SHC3: variants seen among roughly 807,000 people sequenced by gnomAD.
SHC3 encodes the protein SHC-transforming protein 3.
Under a neutral mutation model 60.4 loss-of-function variants are expected in SHC3, and 15 were observed. That is an observed-to-expected ratio of 0.25 (90% confidence interval 0.17 to 0.38). SHC3 has a LOEUF of 0.38. SHC3 is among the 10% of genes least tolerant of loss of function. The pLI is 1.00. For synonymous variants in SHC3, 294 were observed against 325.9 expected (o/e 0.90, Z 1.05); for missense variants, 677 against 786.1 (o/e 0.86, Z 1.66).
At position 89,077,916 on chromosome 9, in the gene SHC3, A is replaced by G; in HGVS notation, c.546-13T>C. On this transcript the variant is annotated splice_polypyrimidine_tract_variant and intron_variant, in intron 2 of 11. Transcript: ENST00000375835. ...GCTGATGGCTTCCCTTAGGACAGGA[A>G]GAAAAAGCAATTTTATTACGTGTCA... 1 of 1,614,208 alleles carries G rather than the reference A, an allele frequency of 6.2e-7. No homozygotes were observed. Among genetic ancestry groups the G allele is most frequent in the Non-Finnish European group, 8.5e-7 (1 of 1,180,014 alleles).
intron 9 of SHC3, among the ~76,000 whole-genome samples, chr9:89,043,547 C>A (rs1194770588): frequency 6.6e-6 from 1 of 152,190 alleles, no homozygotes; most frequent in Non-Finnish European, 1.5e-5. Context: ...GGCAGGAGGA[C>A]ACGTGCCATC....
intron 1 of SHC3, among the ~76,000 whole-genome samples, chr9:89,171,089 G>T (rs118027795): frequency 2.0e-5 from 3 of 152,168 alleles, no homozygotes; most frequent in Non-Finnish European, 4.4e-5. Flanking sequence ...AAAACAACTA[G>T]GTTTTCATCA....
intron 2 of SHC3, among the ~76,000 whole-genome samples, chr9:89,106,612 G>A (rs1439004860): frequency 6.6e-6 from 1 of 152,112 alleles, no homozygotes; most frequent in Admixed American, 6.5e-5. Flanking sequence ...AGGGCCCAGC[G>A]CCCACAGCGG....
chr9:89,089,608 G>C (rs1225349032), intron 2 of SHC3, among the ~76,000 whole-genome samples: 4 of 152,206 alleles, frequency 2.6e-5, no homozygotes, highest in African/African-American at 9.6e-5. Context: ...TTTGGGAAAA[G>C]TAAACCAAAA....
chr9:89,022,654 A>G (rs182605080), intron 11 of SHC3, among the ~76,000 whole-genome samples: 516 of 152,314 alleles, frequency 3.4e-3, no homozygotes, highest in Middle Eastern at 0.024. Context: ...AAGCATGTAC[A>G]GCTACTGCGC....
intron 1 of SHC3, among the ~76,000 whole-genome samples, chr9:89,159,915 C>T (rs1278597650): frequency 2.0e-5 from 3 of 152,290 alleles, no homozygotes; most frequent in Admixed American, 6.5e-5. Flanking sequence ...CAGACACACC[C>T]AGGATCAATA....
chr9:89,160,335 T>A (rs1056527272), intron 1 of SHC3, among the ~76,000 whole-genome samples: 1 of 151,996 alleles, frequency 6.6e-6, no homozygotes. Flanking sequence ...CCAGAATAAA[T>A]CCCACCTCCT....
chr9:89,114,994 A>T (rs1826000939), intron 1 of SHC3, among the ~76,000 whole-genome samples: 1 of 152,202 alleles, frequency 6.6e-6, no homozygotes, highest in Non-Finnish European at 1.5e-5. Flanking sequence ...CAGTTATGGG[A>T]ATACCAACAA....
intron 1 of SHC3, among the ~76,000 whole-genome samples, chr9:89,150,637 G>C (rs1009795449): frequency 2.0e-5 from 3 of 152,090 alleles, no homozygotes; most frequent in Non-Finnish European, 2.9e-5. Flanking sequence ...GTTTCTATTT[G>C]GGGGCTATTG....
chr9:89,130,186 T>TA (rs1425502716), intron 1 of SHC3, among the ~76,000 whole-genome samples: 1 of 151,940 alleles, frequency 6.6e-6, no homozygotes, highest in Non-Finnish European at 1.5e-5. Context: ...TACATAATGG[T>TA]AAAGGGATCA....
chr9:89,037,419 G>A, intron 11 of SHC3: 1 of 675,546 alleles, frequency 1.5e-6, no homozygotes, highest in Non-Finnish European at 2.7e-6. Context: ...CCCAGGTAAA[G>A]ATGAATGTCT....
intron 1 of SHC3, among the ~76,000 whole-genome samples, chr9:89,113,168 GT>G (rs1480709821): frequency 2.0e-5 from 3 of 152,094 alleles, no homozygotes; most frequent in Admixed American, 2.0e-4. Context: ...ATTTACTTTG[GT>G]TTACCAGATC....
intron 2 of SHC3, among the ~76,000 whole-genome samples, chr9:89,102,384 C>T (rs1305664991): frequency 6.6e-6 from 1 of 152,038 alleles, no homozygotes; most frequent in Non-Finnish European, 1.5e-5. Context: ...ATGGTAATGA[C>T]TCTGGATCAA....
At chr9:89,112,754 G>T in intron 1 of SHC3, 128 bp from the exon 2 acceptor site, 1 of 711,728 alleles carries the variant, frequency 1.4e-6, no homozygotes, top group Non-Finnish European at 2.2e-6. Context: ...TAAATTCTAG[G>T]GTGAGGCTTT....
At chr9:89,056,923 C>T (rs180892839) in intron 6 of SHC3, among the ~76,000 whole-genome samples, 1 of 152,372 alleles carries the variant, frequency 6.6e-6, no homozygotes, top group Admixed American at 6.5e-5. Context: ...CAGGAAGCCA[C>T]ACCCCAGCCT....
chr9:89,074,851 ATT>A (rs879630918), intron 4 of SHC3, among the ~76,000 whole-genome samples: 10 of 145,938 alleles, frequency 6.9e-5, no homozygotes, highest in African/African-American at 1.0e-4. Flanking sequence ...CACACACATC[ATT>A]TTTTTTTTTT....
intron 2 of SHC3, among the ~76,000 whole-genome samples, chr9:89,097,205 G>T (rs1485683588): frequency 6.6e-6 from 1 of 151,374 alleles, no homozygotes; most frequent in Admixed American, 6.6e-5. Flanking sequence ...ATCTCTCTTA[G>T]CAGATATTTT....
chr9:89,160,820 G>C lies in SHC3; in HGVS notation c.474+17167C>G, dbSNP rs573811140. On this transcript the variant is annotated intron_variant, in intron 1 of 11. Transcript: ENST00000375835. ...AATAATGCTTTCCAACTACCAAACA[G>C]CCTTTAAAGATTTTGGGTGGGCTGT... Among the ~76,000 whole-genome samples, 12 of 152,312 alleles carry C rather than the reference G, an allele frequency of 7.9e-5. 1 individual carries two copies. In the South Asian group the frequency reaches 2.3e-3, roughly 29 times the overall value.
At chr9:89,141,890 G>T (rs963700810) in intron 1 of SHC3, among the ~76,000 whole-genome samples, 2 of 152,096 alleles carry the variant, frequency 1.3e-5, no homozygotes, top group Admixed American at 6.5e-5. Context: ...AGGCGAAGAG[G>T]TCAGGGAGGC....
Sources: gnomAD v4.1 joint callset for allele counts (sites outside exome capture counted in the v4.1 genomes callset) on GRCh38, gnomAD v4.1.1 for gene constraint, MANE v1.5 for transcripts, NCBI Gene and HGNC (gene_info 2026-07-23, HGNC 2026-07-21) for gene names.